The following TCF7L2 variants were observed in gnomAD, a reference collection of about 807,000 sequenced individuals.
The protein encoded by TCF7L2 is transcription factor 7 like 2, also known as transcription factor 7-like 2.
Under a neutral mutation model 77.9 loss-of-function variants are expected in TCF7L2, and 23 were observed. The ratio of observed to expected loss-of-function variants is 0.30; its 90% CI spans 0.21 to 0.42. The LOEUF (loss-of-function observed/expected upper bound fraction) is 0.42. TCF7L2 is among the 10% of genes least tolerant of loss of function. The probability of loss-of-function intolerance (pLI) is 1.00; values close to 1 mark genes in which losing one functional copy is unlikely to be tolerated. For missense variants in TCF7L2, 654 were observed against 793.1 expected, an observed-to-expected ratio of 0.82 and a Z score of 2.11; for synonymous variants, 413 against 340.2, an observed-to-expected ratio of 1.21 and a Z score of -2.36.
At chr10:113,075,270 C>A (rs182151292) in intron 5 of TCF7L2, among the ~76,000 whole-genome samples, 1 of 152,192 alleles carries the variant, frequency 6.6e-6, no homozygotes, top group African/African-American at 2.4e-5. Context: ...ACCAGCCTGG[C>A]CAACATGGTG....
At chr10:112,992,437 T>C (rs1048179043) in intron 4 of TCF7L2, among the ~76,000 whole-genome samples, 1 of 152,142 alleles carries the variant, frequency 6.6e-6, no homozygotes, top group African/African-American at 2.4e-5. Flanking sequence ...CTGTGGGCGT[T>C]GGGATTCCTG....
intron 5 of TCF7L2, among the ~76,000 whole-genome samples, chr10:113,042,056 G>A (rs1590893619): frequency 6.6e-6 from 1 of 152,152 alleles, no homozygotes; most frequent in Non-Finnish European, 1.5e-5. Context: ...TAAAGGAGTG[G>A]GGGTTTGTCC....
intron 5 of TCF7L2, among the ~76,000 whole-genome samples, chr10:113,075,236 A>T (rs2058557033): frequency 6.6e-6 from 1 of 152,192 alleles, no homozygotes; most frequent in South Asian, 2.1e-4. Flanking sequence ...AGGCGGGCAG[A>T]TCACCTGAGG....
intron 5 of TCF7L2, among the ~76,000 whole-genome samples, chr10:113,082,074 G>A (rs2135467169): frequency 6.6e-6 from 1 of 151,642 alleles, no homozygotes; most frequent in South Asian, 2.1e-4. Flanking sequence ...TTGACCTCAA[G>A]TGGTCTGCCT....
At chr10:113,124,256 G>A (rs575824025) in intron 5 of TCF7L2, among the ~76,000 whole-genome samples, 5 of 152,210 alleles carry the variant, frequency 3.3e-5, no homozygotes, top group African/African-American at 9.6e-5. Flanking sequence ...TCCCAGCATC[G>A]AAGGTCAGAT....
intron 5 of TCF7L2, 118 bp from the exon 6 acceptor site, chr10:113,141,066 C>T (rs2068287382): frequency 7.8e-7 from 1 of 1,275,996 alleles, no homozygotes; most frequent in Non-Finnish European, 1.1e-6. Context: ...GAGTTGAGTG[C>T]ATCTTAGAAA....
chr10:113,126,681 C>T (rs994274415), intron 5 of TCF7L2: 1 of 985,402 alleles, frequency 1.0e-6, no homozygotes, highest in Non-Finnish European at 1.2e-6. Flanking sequence ...TGGAACTGTG[C>T]GTGAGCATCT....
chr10:113,089,872 C>T (rs1455425020), intron 5 of TCF7L2, among the ~76,000 whole-genome samples: 1 of 152,148 alleles, frequency 6.6e-6, no homozygotes, highest in African/African-American at 2.4e-5. Context: ...TTAAACTTGG[C>T]CCCAGGAAGT....
At chr10:113,052,979 T>C (rs1169061628) in intron 5 of TCF7L2, among the ~76,000 whole-genome samples, 1 of 152,224 alleles carries the variant, frequency 6.6e-6, no homozygotes, top group Non-Finnish European at 1.5e-5. Flanking sequence ...AACTTCTTTA[T>C]CTGATTCTTT....
chr10:113,161,400 GA>G, intron 13 of TCF7L2: 1 of 649,822 alleles, frequency 1.5e-6, no homozygotes, highest in East Asian at 2.7e-5. Context: ...GAACAGCCCA[GA>G]AGTGTCCAAA....
intron 4 of TCF7L2, among the ~76,000 whole-genome samples, chr10:113,006,933 C>T (rs2045650425): frequency 6.6e-6 from 1 of 152,228 alleles, no homozygotes; most frequent in South Asian, 2.1e-4. Context: ...CACCTGCTGT[C>T]CTCACTGATG....
intron 4 of TCF7L2, among the ~76,000 whole-genome samples, chr10:112,979,774 T>A (rs149637181): frequency 1.3e-5 from 2 of 148,480 alleles, no homozygotes; most frequent in African/African-American, 2.4e-5. Flanking sequence ...ATAAAAAAAA[T>A]AAAAAAAATA....
At chr10:112,951,154 C>A in intron 1 of TCF7L2, 53 bp from the exon 2 acceptor site, 1 of 1,491,980 alleles carries the variant, frequency 6.7e-7, no homozygotes, top group Non-Finnish European at 9.1e-7. Flanking sequence ...CCCTTCTCCC[C>A]CTTCTGCGTG....
At chr10:112,997,157 C>T (rs1007427435) in intron 4 of TCF7L2, among the ~76,000 whole-genome samples, 1 of 152,200 alleles carries the variant, frequency 6.6e-6, no homozygotes, top group Non-Finnish European at 1.5e-5. Flanking sequence ...TTGACTCAGC[C>T]TTGGGTATTA....
chr10:112,997,131 T>C (rs934675408), intron 4 of TCF7L2, among the ~76,000 whole-genome samples: 8 of 152,220 alleles, frequency 5.3e-5, no homozygotes, highest in African/African-American at 9.6e-5. Flanking sequence ...TGGTTAATTT[T>C]CCTCCATTAT....
chr10:113,089,446 AC>A (rs756433967), intron 5 of TCF7L2: 5 of 1,612,788 alleles, frequency 3.1e-6, no homozygotes, highest in Admixed American at 1.7e-5. Flanking sequence ...CAGCACTTCT[AC>A]CCCCCCTCAG....
chr10:113,018,326 G>A (rs374736364), intron 4 of TCF7L2, among the ~76,000 whole-genome samples: 5 of 152,004 alleles, frequency 3.3e-5, no homozygotes, highest in East Asian at 1.9e-4. Flanking sequence ...TTTGGGCTCC[G>A]AGAATGCTGG....
intron 5 of TCF7L2, among the ~76,000 whole-genome samples, chr10:113,133,842 GCAGCACCCTTCCTA>G (rs2066972206): frequency 6.6e-6 from 1 of 152,186 alleles, no homozygotes; most frequent in Non-Finnish European, 1.5e-5. Flanking sequence ...ATACAAATAA[GCAGCACCCTTCCTA>G]GGAGGCTCTC....
At chr10:113,059,465 T>C (rs181912167) in intron 5 of TCF7L2, among the ~76,000 whole-genome samples, 1 of 152,164 alleles carries the variant, frequency 6.6e-6, no homozygotes, top group Admixed American at 6.5e-5. Flanking sequence ...GAGGCAACTT[T>C]CTGGGGAAAA....
Sources: allele counts gnomAD v4.1 joint callset (sites outside exome capture counted in the v4.1 genomes callset), GRCh38; gene constraint gnomAD v4.1.1; transcripts MANE v1.5; gene names NCBI Gene and HGNC (gene_info 2026-07-23, HGNC 2026-07-21).